Variants in ESRRG observed in about 807,000 individuals in gnomAD.
ESRRG encodes the protein estrogen-related receptor gamma.
Under a neutral mutation model 44.0 loss-of-function variants are expected in ESRRG, and 13 were observed. The observed-to-expected ratio is 0.30, with a 90% CI of 0.19 to 0.47. ESRRG has a LOEUF of 0.47. ESRRG is among the 20% of genes least tolerant of loss of function. The pLI is 1.00. For missense variants in ESRRG, 395 were observed against 580.6 expected, an observed-to-expected ratio of 0.68 and a Z score of 3.29; for synonymous variants, 215 against 214.6, an observed-to-expected ratio of 1.00 and a Z score of -0.02.
chr1:216,675,562 AGATGAT>A (rs1163135497), intron 2 of ESRRG, among the ~76,000 whole-genome samples: 1 of 152,216 alleles, frequency 6.6e-6, no homozygotes, highest in Non-Finnish European at 1.5e-5. Context: ...AGGGGCCATT[AGATGAT>A]GATGGTCTAT....
intron 2 of ESRRG, among the ~76,000 whole-genome samples, chr1:216,665,013 G>T (rs947436007): frequency 1.3e-5 from 2 of 152,132 alleles, no homozygotes; most frequent in Non-Finnish European, 2.9e-5. Flanking sequence ...AGAAAATGTG[G>T]TCTATCCATA....
chr1:216,728,139 C>A (rs1186311905), upstream of ESRRG, among the ~76,000 whole-genome samples: 1 of 152,156 alleles, frequency 6.6e-6, no homozygotes, highest in East Asian at 1.9e-4. Context: ...ATCCTACAAG[C>A]TTTCTATAAT....
chr1:216,522,255 CTTTTTTTTTTT>C (rs71161437), intron 5 of ESRRG, among the ~76,000 whole-genome samples: 5 of 29,262 alleles, frequency 1.7e-4, no homozygotes, highest in South Asian at 2.5e-3. Flanking sequence ...AACAGCTCTC[CTTTTTTTTTTT>C]TTTTTTTTTT....
At chr1:216,603,901 C>G (rs1002606439) in intron 3 of ESRRG, among the ~76,000 whole-genome samples, 7 of 150,062 alleles carry the variant, frequency 4.7e-5, no homozygotes, top group African/African-American at 1.7e-4. Context: ...CCATTACACT[C>G]CAGCCTGGGC....
At chr1:216,970,042 A>G (rs12723891) in intron 1 of ESRRG, among the ~76,000 whole-genome samples, 12,864 of 152,178 alleles carry the variant, frequency 0.085, 708 homozygotes, top group South Asian at 0.12. Context: ...CTTTATTTCA[A>G]ATTCAAATTT....
At position 217,071,060 on chromosome 1, in the gene ESRRG, T is replaced by A. The variant is rs570764882; in HGVS notation, c.-106+18447A>T. 8.5e-5 allele frequency among the ~76,000 whole-genome samples: 13 copies of A among 152,308 alleles called. No homozygotes were observed. In the South Asian group the frequency reaches 2.7e-3, roughly 32 times the overall value. On this transcript the variant is annotated intron_variant, in intron 1 of 7. Transcript: ENST00000359162. ...CTTTCTTCTCCTCATTGTCCCATTA[T>A]TCTTGTCCACCACTGCCATTTCTTC...
chr1:216,594,232 T>G (rs1379427072), intron 3 of ESRRG, among the ~76,000 whole-genome samples: 1 of 152,184 alleles, frequency 6.6e-6, no homozygotes, highest in Non-Finnish European at 1.5e-5. Context: ...AGACCCATGA[T>G]GTCTAAATGA....
chr1:216,734,985 T>G (rs972809662), intron 2 of ESRRG, among the ~76,000 whole-genome samples: 6 of 145,276 alleles, frequency 4.1e-5, no homozygotes, highest in Non-Finnish European at 7.5e-5. Context: ...CTTGGCTTAC[T>G]ACAACCTCCG....
At chr1:216,528,020 C>G (rs536353680) in intron 5 of ESRRG, among the ~76,000 whole-genome samples, 41 of 151,194 alleles carry the variant, frequency 2.7e-4, no homozygotes, top group Non-Finnish European at 4.7e-4. Flanking sequence ...ACATAGCTGG[C>G]GCTCAGTAAA....
At chr1:216,520,575 C>A (rs1265957412) in intron 5 of ESRRG, among the ~76,000 whole-genome samples, 1 of 152,028 alleles carries the variant, frequency 6.6e-6, no homozygotes, top group Non-Finnish European at 1.5e-5. Flanking sequence ...AGTGAAGATA[C>A]CTGATGATCA....
chr1:216,710,877 CA>C (rs964579132), intron 1 of ESRRG, among the ~76,000 whole-genome samples: 32 of 152,182 alleles, frequency 2.1e-4, no homozygotes, highest in African/African-American at 7.5e-4. Flanking sequence ...GTGCCACAGA[CA>C]GGGGGGAAAT....
chr1:216,539,488 C>T (rs992702376), intron 5 of ESRRG, among the ~76,000 whole-genome samples: 4 of 152,092 alleles, frequency 2.6e-5, no homozygotes, highest in East Asian at 3.9e-4. Flanking sequence ...CCCTGACCCT[C>T]GGTTCATTCT....
intron 1 of ESRRG, among the ~76,000 whole-genome samples, chr1:217,080,195 G>A (rs571295235): frequency 6.6e-6 from 1 of 152,206 alleles, no homozygotes; most frequent in South Asian, 2.1e-4. Context: ...GGTAGCATAC[G>A]TCCCTTAAAG....
intron 2 of ESRRG, among the ~76,000 whole-genome samples, chr1:216,737,433 T>C (rs567220119): frequency 1.3e-5 from 2 of 152,214 alleles, no homozygotes; most frequent in East Asian, 1.9e-4. Flanking sequence ...GGTCTATATA[T>C]AGCATTGGTT....
chr1:216,572,808 C>T (rs2061048270), intron 3 of ESRRG, among the ~76,000 whole-genome samples: 1 of 151,914 alleles, frequency 6.6e-6, no homozygotes, highest in Non-Finnish European at 1.5e-5. Flanking sequence ...AAAAGTAACG[C>T]TATGAAGATT....
chr1:216,858,272 C>CT (rs1465714014), intron 2 of ESRRG, among the ~76,000 whole-genome samples: 1 of 148,876 alleles, frequency 6.7e-6, no homozygotes, highest in Non-Finnish European at 1.5e-5. Flanking sequence ...CCTGTCTCTA[C>CT]TAAAAAAAAA....
intron 1 of ESRRG, among the ~76,000 whole-genome samples, chr1:216,983,470 G>A (rs570292109): frequency 5.9e-4 from 90 of 152,150 alleles, no homozygotes; most frequent in African/African-American, 2.1e-3. Context: ...GGGCTCAAGC[G>A]ATCCTCCCAT....
At chr1:216,974,727 T>C (rs1399817417) in intron 1 of ESRRG, among the ~76,000 whole-genome samples, 2 of 152,284 alleles carry the variant, frequency 1.3e-5, no homozygotes, top group East Asian at 1.9e-4. Flanking sequence ...AGTTTTAGTC[T>C]GTGGGCAGAG....
intron 1 of ESRRG, among the ~76,000 whole-genome samples, chr1:217,102,598 C>T (rs1021559481): frequency 3.9e-5 from 6 of 152,164 alleles, no homozygotes; most frequent in African/African-American, 1.4e-4. Context: ...TAAAATTTTT[C>T]AAATTACTTT....
Sources: allele counts gnomAD v4.1 joint callset (sites outside exome capture counted in the v4.1 genomes callset), GRCh38; gene constraint gnomAD v4.1.1; transcripts MANE v1.5; gene names NCBI Gene and HGNC (gene_info 2026-07-23, HGNC 2026-07-21).